The following PRR12 variants were observed in gnomAD, a reference collection of about 807,000 sequenced individuals.
The protein encoded by PRR12 is proline-rich protein 12.
In PRR12, 12 loss-of-function variants were observed where a neutral mutation model predicts 138.0. The ratio of observed to expected loss-of-function variants is 0.09; its 90% confidence interval spans 0.06 to 0.14. The LOEUF (loss-of-function observed/expected upper bound fraction) is 0.14. Among genes scored for constraint, PRR12 ranks in the 10% least tolerant of loss-of-function variants. The probability of loss-of-function intolerance (pLI) is 1.00; values close to 1 mark genes in which losing one functional copy is unlikely to be tolerated. For synonymous variants in PRR12, 1,567 were observed against 1,291.7 expected (o/e 1.21, Z -4.57); for missense variants, 2,692 against 2,861.3 (o/e 0.94, Z 1.35).
intron 5 of PRR12, among the ~76,000 whole-genome samples, chr19:49,601,192 G>A (rs2080807991): frequency 1.3e-5 from 2 of 152,128 alleles, no homozygotes; most frequent in African/African-American, 4.8e-5. Flanking sequence ...GGGAGGTGAT[G>A]ATTTAGGAGT....
chr19:49,596,109 T>C lies in PRR12; in HGVS notation c.1774T>C (p.Ser592Pro), dbSNP rs1223415431. The change falls in exon 4 of 14, where the codon TCA becomes CCA. Residue 592 changes from serine to proline, a missense_variant. By Grantham distance (74) the Ser-to-Pro change is moderately conservative. Coordinates refer to ENST00000418929, the MANE Select transcript of PRR12 (RefSeq NM_020719.3). The surrounding 1 kb of genome is among the most constrained non-coding windows in gnomAD (Gnocchi z 5.6). ...SPGAPGKYLS[S>P]VLASAPFLAP... ...AGGAGCCCCTGGCAAATACCTGAGC[T>C]CAGTCTTGGCCTCAGCGCCTTTCCT... 1.2e-6 allele frequency: 2 copies of C among 1,603,222 alleles called. No homozygotes were observed. Among genetic ancestry groups the C allele is most frequent in the Non-Finnish European group, 1.7e-6 (2 of 1,179,744 alleles).
chr19:49,593,668 C>T (rs756299586), intron 2 of PRR12, among the ~76,000 whole-genome samples: 3 of 152,124 alleles, frequency 2.0e-5, no homozygotes, highest in Non-Finnish European at 4.4e-5. Context: ...CCAATTGGCC[C>T]TGTTACCATC....
Position 49,599,903 on chromosome 19 carries a change from C to A in PRR12, c.4310C>A (p.Pro1437Gln). The change falls in exon 5 of 14, where the codon CCG becomes CAG. Residue 1437 changes from proline (P) to glutamine (Q), a missense_variant. Pro to Gln is a moderately conservative substitution (Grantham distance 76). Transcript: ENST00000418929. This position sits in a 1 kb window ranked among gnomAD's most constrained non-coding sequence, Gnocchi z 5.0. Reference sequence around the variant, plus strand: ...GCAGTTCCAGGGCCACCCCCTCTTCCGGGGCTCCCCAGTGCCAACAGCAAT... The same window carrying A: ...GCAGTTCCAGGGCCACCCCCTCTTCAGGGGCTCCCCAGTGCCAACAGCAAT... Reference protein sequence around the residue: ...AAAVPGPPPLPGLPSANSNGT... With the variant: ...AAAVPGPPPLQGLPSANSNGT... 1 of 1,609,676 alleles carries A rather than the reference C, an allele frequency of 6.2e-7. No individual in the cohort carries two copies. The highest frequency in any genetic ancestry group is 2.2e-5 in the East Asian group (1 of 44,836).
Position 49,625,778 on chromosome 19 carries a change from T to G in PRR12, c.*171T>G. The G allele has an allele frequency of 1.4e-6, 1 of 725,878 alleles. No homozygotes were observed. Among genetic ancestry groups the G allele is most frequent in the East Asian group, 3.2e-5 (1 of 31,642 alleles). 45.0% of individuals were successfully genotyped at this position (725,878 alleles called of 1,614,324 possible). A position where few individuals can be genotyped will look rare whatever the true frequency, so the allele number is the denominator to read the frequency against. ...AGGGTTCAAAGTCCGACTCCCCCCC[T>G]CTCCCAAGCCCCCTCCACTCCCTCC... On this transcript the variant is annotated 3_prime_UTR_variant, in exon 14 of 14. Coordinates refer to ENST00000418929, the MANE Select transcript of PRR12 (RefSeq NM_020719.3). The surrounding 1 kb of genome is among the most constrained non-coding windows in gnomAD (Gnocchi z 5.5).
chr19:49,597,278 C>T lies in PRR12; in HGVS notation c.2943C>T (p.Pro981=), dbSNP rs1419742152. 3.2e-6 allele frequency: 5 copies of T among 1,564,476 alleles called. No homozygotes were observed. Among genetic ancestry groups the T allele is most frequent in the East Asian group, 2.4e-5 (1 of 42,374 alleles). ...ACCCCAAGGCTGGCGCTGGGCCACC[C>T]CCCGGCCCCCCTGCTTATGATCCCT... ...EGDPKAGAGP[P]PGPPAYDPYG... is the part of the protein sequence containing the mutation. Residue 981 remains proline (P), a synonymous_variant, in exon 4 of 14, where the codon CCC becomes CCT. Coordinates refer to ENST00000418929, the MANE Select transcript of PRR12 (RefSeq NM_020719.3). This position sits in a 1 kb window ranked among gnomAD's most constrained non-coding sequence, Gnocchi z 6.3.
chr19:49,623,398 G>A (rs1188831308), intron 11 of PRR12, among the ~76,000 whole-genome samples: 1 of 151,988 alleles, frequency 6.6e-6, no homozygotes, highest in East Asian at 1.9e-4. Flanking sequence ...GGCTAAGGGA[G>A]GTGGATCACG....
At chr19:49,621,722 A>G in intron 11 of PRR12, 100 bp downstream of exon 11, 1 of 975,902 alleles carries the variant, frequency 1.0e-6, no homozygotes, top group Admixed American at 2.1e-5. Flanking sequence ...CCTTGGAAGG[A>G]GATCGTCCTT....
chr19:49,622,477 A>C (rs2080928144), intron 11 of PRR12, among the ~76,000 whole-genome samples: 1 of 151,800 alleles, frequency 6.6e-6, no homozygotes, highest in African/African-American at 2.4e-5. Flanking sequence ...CTGTAGTCTT[A>C]GCTTCCCTGG....
chr19:49,621,962 T>C (rs1189247003), intron 11 of PRR12, among the ~76,000 whole-genome samples: 1 of 152,156 alleles, frequency 6.6e-6, no homozygotes, highest in Non-Finnish European at 1.5e-5. Context: ...CAATGCAGGC[T>C]ATTAGGATCC....
Position 49,616,278 on chromosome 19 carries a change from G to C in PRR12, c.5497+59G>C. 3.5e-6 allele frequency: 5 copies of C among 1,423,460 alleles called. No individual in the cohort carries two copies. The highest frequency in any genetic ancestry group is 4.7e-6 in the Non-Finnish European group (5 of 1,071,564). The allele number at this position is 1,423,460 out of a possible 1,614,324, so 88.2% of individuals were successfully genotyped here. On this transcript the variant is annotated intron_variant, in intron 9 of 13. Coordinates refer to ENST00000418929, the MANE Select transcript of PRR12 (RefSeq NM_020719.3). This position sits in a 1 kb window ranked among gnomAD's most constrained non-coding sequence, Gnocchi z 4.2. ...TGGGTGGGGAAGGGACACAGGTGAG[G>C]GCTGTCCAGAGGGCTCCAGGTAGCC... is the stretch of plus-strand genomic sequence containing the variant.
intron 11 of PRR12, 84 bp downstream of exon 11, chr19:49,621,706 G>C: frequency 8.9e-7 from 1 of 1,125,484 alleles, no homozygotes; most frequent in East Asian, 2.6e-5. Context: ...TGTTGGCGGG[G>C]GTGATCCTTG....
chr19:49,592,552 A>G (rs771300147), intron 1 of PRR12, among the ~76,000 whole-genome samples: 4 of 151,410 alleles, frequency 2.6e-5, no homozygotes, highest in Admixed American at 6.6e-5. Flanking sequence ...CACTTCACCT[A>G]TCCCCAGCAC....
Position 49,597,005 on chromosome 19 carries a change from GCC to G in PRR12, c.2674_2675del (p.Pro892GlyfsTer44). 6.4e-7 allele frequency: 1 copy of G among 1,557,330 alleles called. No homozygotes were observed. Among genetic ancestry groups the G allele is most frequent in the Middle Eastern group, 1.7e-4 (1 of 5,882 alleles). On this transcript the variant is annotated frameshift_variant, in exon 4 of 14. Transcript: ENST00000418929. LOFTEE classifies it high-confidence loss of function. The surrounding 1 kb of genome is among the most constrained non-coding windows in gnomAD (Gnocchi z 6.3). ...AATTGCTCGGGGCTCTGGAGCCGCT[GCC>G]CCCGGCGCCTGGGGATACTGGCGTA... The part of the protein sequence containing the change: ...QELLGALEPL[P>X]PAPGDTGVGP...
intron 5 of PRR12, among the ~76,000 whole-genome samples, chr19:49,600,897 G>A (rs1156455938): frequency 2.0e-5 from 3 of 151,998 alleles, no homozygotes; most frequent in Non-Finnish European, 2.9e-5. Context: ...GCTAATTTTT[G>A]TATTTTTAGT....
intron 2 of PRR12, 103 bp downstream of exon 2, chr19:49,593,542 G>A (rs1314947246): frequency 1.3e-5 from 8 of 612,122 alleles, no homozygotes; most frequent in Non-Finnish European, 2.3e-5. Context: ...GCCGTGGCCC[G>A]TGCCGTGGCC....
chr19:49,623,969 T>C (rs548071336), intron 11 of PRR12, among the ~76,000 whole-genome samples: 1 of 147,970 alleles, frequency 6.8e-6, no homozygotes, highest in South Asian at 2.2e-4. Context: ...GGTGGGTGGT[T>C]AGGATGGGGC....
At chr19:49,621,158 C>T in intron 10 of PRR12, among the ~76,000 whole-genome samples, 2 of 104,200 alleles carry the variant, frequency 1.9e-5, no homozygotes, top group Non-Finnish European at 3.9e-5. Flanking sequence ...GTCTGGACTC[C>T]TGGGTCTGAG....
chr19:49,596,973 A>G lies in PRR12; in HGVS notation c.2638A>G (p.Met880Val), dbSNP rs2080775618. ...GGAGAGCCTGGATCCGCCAGGCGCC[A>G]TGCAGGAATTGCTCGGGGCTCTGGA... ...PEESLDPPGA[M>V]QELLGALEPL... The change falls in exon 4 of 14, where the codon ATG becomes GTG. Residue 880 changes from methionine to valine, a missense_variant. Physicochemically the swap from Met to Val is conservative, Grantham distance 21. This residue lies in a region of PRR12 where 840 missense variants were observed against 689.8 expected (regional missense o/e 1.22). Transcript: ENST00000418929. The surrounding 1 kb of genome is among the most constrained non-coding windows in gnomAD (Gnocchi z 5.6). 1.3e-6 allele frequency: 2 copies of G among 1,555,924 alleles called. No homozygotes were observed. Among genetic ancestry groups the G allele is most frequent in the East Asian group, 2.4e-5 (1 of 41,556 alleles).
In PRR12 at chr19:49,597,651, G is replaced by T; in HGVS notation, c.3316G>T (p.Asp1106Tyr). The T allele has an allele frequency of 6.2e-7, 1 of 1,607,732 alleles. No homozygotes were observed. Among genetic ancestry groups the T allele is most frequent in the Non-Finnish European group, 8.5e-7 (1 of 1,178,072 alleles). Residue 1106 changes from aspartate to tyrosine, a missense_variant, in exon 4 of 14, where the codon GAC becomes TAC. By Grantham distance (160) the Asp-to-Tyr change is radical. This residue lies in a region of PRR12 where 840 missense variants were observed against 689.8 expected (regional missense o/e 1.22). Transcript: ENST00000418929. This position sits in a 1 kb window ranked among gnomAD's most constrained non-coding sequence, Gnocchi z 6.3. Reference protein sequence around the residue: ...AQEYEFEADEDKADVPADIRL... With the variant: ...AQEYEFEADEYKADVPADIRL... ...GGAGTACGAGTTCGAGGCGGACGAG[G>T]ACAAGGCCGATGTTCCCGCCGACAT...
Sources: allele counts gnomAD v4.1 joint callset (sites outside exome capture counted in the v4.1 genomes callset), GRCh38; gene constraint gnomAD v4.1.1; regional missense constraint gnomAD v4.1.1; non-coding constraint Gnocchi (gnomAD v3.1); transcripts MANE v1.5; gene names NCBI Gene and HGNC (gene_info 2026-07-23, HGNC 2026-07-21).